The following TMIGD3 variants were observed in gnomAD, a reference collection of about 807,000 sequenced individuals.
The protein encoded by TMIGD3 is AD026 protein (AD026).
Under a neutral mutation model 28.1 loss-of-function variants are expected in TMIGD3, and 21 were observed. The ratio of observed to expected loss-of-function variants is 0.75; its 90% CI spans 0.53 to 1.08. The LOEUF (loss-of-function observed/expected upper bound fraction) is 1.08. Among genes scored for constraint, TMIGD3 ranks in the 50% least tolerant of loss-of-function variants. TMIGD3 has a pLI of 0.00. For missense variants in TMIGD3, 416 were observed against 435.6 expected, an observed-to-expected ratio of 0.96 and a Z score of 0.40; for synonymous variants, 151 against 162.1, an observed-to-expected ratio of 0.93 and a Z score of 0.52.
upstream of TMIGD3, chr1:111,503,713 G>T (rs771238445): frequency 6.7e-6 from 7 of 1,047,596 alleles, no homozygotes; most frequent in Non-Finnish European, 8.1e-6. Flanking sequence ...GGCTTTTTGA[G>T]TTCCATCAAG....
chr1:111,547,737 C>T (rs1657088297), intron 1 of TMIGD3, among the ~76,000 whole-genome samples: 1 of 152,132 alleles, frequency 6.6e-6, no homozygotes, highest in Non-Finnish European at 1.5e-5. Flanking sequence ...CTAATGATTT[C>T]CCTTCAGAAC....
chr1:111,489,127 T>C, intron 2 of TMIGD3, 103 bp from the exon 3 acceptor site: 1 of 1,160,292 alleles, frequency 8.6e-7, no homozygotes, highest in East Asian at 2.4e-5. Context: ...AATTAAAGAA[T>C]CGGAGGCTGA....
At chr1:111,510,320 T>C (rs1327272529) in intron 1 of TMIGD3, among the ~76,000 whole-genome samples, 1 of 152,186 alleles carries the variant, frequency 6.6e-6, no homozygotes, top group African/African-American at 2.4e-5. Flanking sequence ...GTCCCTCTGC[T>C]TTGTATGAAA....
At chr1:111,487,204 G>C (rs1004751934) in intron 3 of TMIGD3, among the ~76,000 whole-genome samples, 1 of 152,250 alleles carries the variant, frequency 6.6e-6, no homozygotes, top group Non-Finnish European at 1.5e-5. Context: ...AGTACGTTCA[G>C]GTGGGAACGT....
intron 1 of TMIGD3, among the ~76,000 whole-genome samples, chr1:111,491,933 T>G (rs989445830): frequency 6.6e-6 from 1 of 152,230 alleles, no homozygotes; most frequent in African/African-American, 2.4e-5. Flanking sequence ...CATGCCCTTA[T>G]GTAGTCCCCT....
intron 1 of TMIGD3, among the ~76,000 whole-genome samples, chr1:111,545,701 C>T (rs1031485934): frequency 6.6e-6 from 1 of 152,110 alleles, no homozygotes; most frequent in Non-Finnish European, 1.5e-5. Context: ...ATTACCTAAT[C>T]TAAGGTCACA....
intron 1 of TMIGD3, among the ~76,000 whole-genome samples, chr1:111,554,283 T>C (rs553006141): frequency 6.6e-6 from 1 of 152,352 alleles, no homozygotes; most frequent in African/African-American, 2.4e-5. Flanking sequence ...TGGAGGTATA[T>C]AGTATTACAG....
chr1:111,534,560 C>T (rs897957251), intron 1 of TMIGD3, among the ~76,000 whole-genome samples: 10 of 152,126 alleles, frequency 6.6e-5, no homozygotes, highest in African/African-American at 2.2e-4. Context: ...GTGTTCTCTC[C>T]AAACATGGTT....
At chr1:111,490,871 A>C in intron 1 of TMIGD3, 109 bp from the exon 2 acceptor site, 1 of 744,506 alleles carries the variant, frequency 1.3e-6, no homozygotes, top group Non-Finnish European at 2.3e-6. Flanking sequence ...TGCCATGTAT[A>C]GATACACTGC....
intron 1 of TMIGD3, among the ~76,000 whole-genome samples, chr1:111,522,776 A>C (rs1656121579): frequency 1.3e-5 from 2 of 152,068 alleles, no homozygotes. Flanking sequence ...TCGGCCTCTC[A>C]AAGTGCTGGG....
At chr1:111,499,784 G>C (rs1401864205) in intron 1 of TMIGD3, 2 of 1,452,300 alleles carry the variant, frequency 1.4e-6, no homozygotes, top group Admixed American at 5.5e-5. Flanking sequence ...TGGAGGAAGA[G>C]AGTAGTGGAG....
chr1:111,500,795 G>A (rs895316214), intron 1 of TMIGD3: 23 of 552,576 alleles, frequency 4.2e-5, no homozygotes, highest in Middle Eastern at 4.6e-4. Flanking sequence ...CTTCTCTGGG[G>A]ACTTTTCTAA....
At chr1:111,515,574 G>C (rs74112312) in intron 1 of TMIGD3, among the ~76,000 whole-genome samples, 19,242 of 152,246 alleles carry the variant, frequency 0.13, 1,225 homozygotes, top group East Asian at 0.21. Context: ...GATGAGCACC[G>C]GGCCTCCTGG....
chr1:111,495,662 TTACTGGGTATA>T (rs1363311341), intron 1 of TMIGD3, among the ~76,000 whole-genome samples: 1 of 152,192 alleles, frequency 6.6e-6, no homozygotes, highest in Non-Finnish European at 1.5e-5. Context: ...AGCAATCCCA[TTACTGGGTATA>T]TACCCAAAGA....
intron 1 of TMIGD3, among the ~76,000 whole-genome samples, chr1:111,554,340 A>G (rs1411553473): frequency 6.6e-6 from 1 of 152,234 alleles, no homozygotes; most frequent in Non-Finnish European, 1.5e-5. Flanking sequence ...CCTACCAGAT[A>G]AAAAATTAAA....
Position 111,489,035 on chromosome 1 carries a change from A to G in TMIGD3, c.458-11T>C. On this transcript the variant is annotated splice_polypyrimidine_tract_variant and intron_variant, in intron 2 of 5. Transcript: ENST00000369716. ...CCATGACCATGGCATCTGTGAAAAC[A>G]CACACACACACGCACACGTGCACAC... 1.5e-6 allele frequency: 2 copies of G among 1,377,478 alleles called. No individual in the cohort carries two copies. The highest frequency in any genetic ancestry group is 1.9e-6 in the Non-Finnish European group (2 of 1,040,466). 85.3% of individuals were successfully genotyped at this position (1,377,478 alleles called of 1,614,324 possible).
At chr1:111,528,022 A>T (rs1656329847) in intron 1 of TMIGD3, among the ~76,000 whole-genome samples, 1 of 149,480 alleles carries the variant, frequency 6.7e-6, no homozygotes, top group Non-Finnish European at 1.5e-5. Context: ...TAGCTTGTCA[A>T]TTTTTTTTTT....
chr1:111,514,651 C>T (rs1257992885), intron 1 of TMIGD3, among the ~76,000 whole-genome samples: 23 of 151,674 alleles, frequency 1.5e-4, no homozygotes. Context: ...GGAACACACA[C>T]ACACACACAC....
chr1:111,503,591 T>C lies in TMIGD3; in HGVS notation c.-237A>G. ...TTCCAGCCCCTTTATGCACCGCACA[T>C]CCTCAAGTTTCCAGAATGCTGTAGG... On this transcript the variant is annotated 5_prime_UTR_variant, in exon 1 of 6. It removes an upstream start codon present in the reference 5' UTR. Transcript: ENST00000369716. 7.4e-7 allele frequency: 1 copy of C among 1,344,992 alleles called. No individual in the cohort carries two copies. The allele number at this position is 1,344,992 out of a possible 1,614,324, so 83.3% of individuals were successfully genotyped here. A position where few individuals can be genotyped will look rare whatever the true frequency, so the allele number is the denominator to read the frequency against.
Sources: allele counts gnomAD v4.1 joint callset (sites outside exome capture counted in the v4.1 genomes callset), GRCh38; gene constraint gnomAD v4.1.1; transcripts MANE v1.5; gene names NCBI Gene and HGNC (gene_info 2026-07-23, HGNC 2026-07-21).